Variants in SHB observed in about 807,000 individuals in gnomAD.
SHB encodes SH2 domain containing adaptor protein B, also known as SH2 domain-containing adapter protein B.
A neutral mutation model predicts 52.3 loss-of-function variants in SHB; 20 were observed. That is an observed-to-expected ratio of 0.38 (90% CI 0.27 to 0.56). The LOEUF is 0.56. Ranked by LOEUF, SHB falls within the 20% of genes least tolerant of loss-of-function variation. The pLI is 0.71. For missense variants in SHB, 825 were observed against 723.3 expected (o/e 1.14, Z -1.61); for synonymous variants, 397 against 316.5 (o/e 1.25, Z -2.70).
chr9:38,032,495 G>A (rs897707782), intron 1 of SHB, among the ~76,000 whole-genome samples: 3 of 152,198 alleles, frequency 2.0e-5, no homozygotes, highest in Admixed American at 6.5e-5. Context: ...GCTCAGTTGC[G>A]CCAACCGTGA....
chr9:37,954,937 G>C (rs1175630749), intron 4 of SHB, among the ~76,000 whole-genome samples: 1 of 152,074 alleles, frequency 6.6e-6, no homozygotes, highest in Admixed American at 6.6e-5. Flanking sequence ...GTGCTGGGGG[G>C]CAGCAAGAAC....
chr9:37,956,820 C>T (rs997267933), intron 3 of SHB, among the ~76,000 whole-genome samples: 3 of 152,222 alleles, frequency 2.0e-5, no homozygotes, highest in Non-Finnish European at 2.9e-5. Flanking sequence ...CTGTTTCCTT[C>T]TCTGAAAAAC....
At chr9:37,962,329 T>C (rs1406076058) in intron 3 of SHB, among the ~76,000 whole-genome samples, 1 of 152,162 alleles carries the variant, frequency 6.6e-6, no homozygotes, top group East Asian at 1.9e-4. Context: ...CAAGGCTAAA[T>C]TCCCGATACC....
intron 2 of SHB, among the ~76,000 whole-genome samples, chr9:37,983,390 T>C (rs1054193312): frequency 6.6e-6 from 1 of 152,160 alleles, no homozygotes; most frequent in African/African-American, 2.4e-5. Flanking sequence ...GAGATGATGC[T>C]GGAGGCAGAT....
chr9:38,053,858 G>C (rs1026390000), intron 1 of SHB, among the ~76,000 whole-genome samples: 3 of 152,156 alleles, frequency 2.0e-5, no homozygotes, highest in Non-Finnish European at 4.4e-5. Context: ...TTCAACAAAT[G>C]ATTTTATTTA....
At chr9:38,014,287 G>A (rs1285983213) in intron 2 of SHB, among the ~76,000 whole-genome samples, 2 of 152,154 alleles carry the variant, frequency 1.3e-5, no homozygotes, top group Admixed American at 1.3e-4. Flanking sequence ...CCTTTAAACC[G>A]GAGCCAACGC....
At chr9:37,969,465 C>T (rs79733468) in intron 3 of SHB, among the ~76,000 whole-genome samples, 2 of 152,192 alleles carry the variant, frequency 1.3e-5, no homozygotes, top group African/African-American at 4.8e-5. Flanking sequence ...CAGTACTTTC[C>T]TGATGTGATA....
chr9:37,950,533 A>G (rs759006349), intron 4 of SHB, among the ~76,000 whole-genome samples: 4 of 152,220 alleles, frequency 2.6e-5, no homozygotes, highest in African/African-American at 7.2e-5. Flanking sequence ...TCCTGTTTAC[A>G]TGATGGTCTC....
At chr9:37,948,564 A>T (rs891425200) in intron 5 of SHB, 71 bp downstream of exon 5, 9 of 1,581,618 alleles carry the variant, frequency 5.7e-6, no homozygotes, top group African/African-American at 1.3e-5. Flanking sequence ...TTTTTCTGCC[A>T]CAGACACGGT....
intron 1 of SHB, among the ~76,000 whole-genome samples, chr9:38,022,806 G>C (rs537922344): frequency 6.6e-6 from 1 of 152,334 alleles, no homozygotes; most frequent in African/African-American, 2.4e-5. Flanking sequence ...AAGCCATACA[G>C]ACACAAGCCA....
intron 2 of SHB, among the ~76,000 whole-genome samples, chr9:37,991,347 T>C (rs1261236837): frequency 6.6e-6 from 1 of 152,232 alleles, no homozygotes; most frequent in African/African-American, 2.4e-5. Context: ...TCAGGGACAC[T>C]GCGTCATGGA....
chr9:38,040,678 T>TG (rs561060642), intron 1 of SHB, among the ~76,000 whole-genome samples: 4 of 151,058 alleles, frequency 2.6e-5, no homozygotes, highest in Admixed American at 1.3e-4. Context: ...CACACTACGG[T>TG]GGGGGGGCTG....
chr9:37,952,570 TGAG>T (rs1212792703), intron 4 of SHB, among the ~76,000 whole-genome samples: 2 of 151,914 alleles, frequency 1.3e-5, no homozygotes, highest in African/African-American at 4.8e-5. Context: ...CAGGTTGGCG[TGAG>T]GAGGGGCCAG....
chr9:38,059,439 G>A (rs1413680546), intron 1 of SHB, among the ~76,000 whole-genome samples: 1 of 152,182 alleles, frequency 6.6e-6, no homozygotes, highest in African/African-American at 2.4e-5. Context: ...GCTCCCCTTG[G>A]AGAAACTGGA....
rs1832100780 is a variant in SHB at position 37,916,498 on chromosome 9, G to A, written c.*3323C>T. Among the ~76,000 whole-genome samples, 2 of 152,242 alleles carry A rather than the reference G, an allele frequency of 1.3e-5. No individual in the cohort carries two copies. ...AGGGGGCCGCTGGTTCTGGGAATGG[G>A]CAGAGGGAGCCTGCAGCTCCACCCT... is the stretch of plus-strand genomic sequence containing the variant. On this transcript the variant is annotated 3_prime_UTR_variant, in exon 6 of 6. Coordinates refer to ENST00000377707, the MANE Select transcript of SHB (RefSeq NM_003028.3).
rs1181057527 is a variant in SHB at position 37,917,615 on chromosome 9, G to C, written c.*2206C>G. Among the ~76,000 whole-genome samples the C allele has an allele frequency of 1.3e-5, 2 of 152,108 alleles. No individual in the cohort carries two copies. The highest frequency in any genetic ancestry group is 3.9e-4 in the East Asian group (2 of 5,186). On this transcript the variant is annotated 3_prime_UTR_variant, in exon 6 of 6. Transcript: ENST00000377707. The stretch of plus-strand genomic sequence containing the variant: ...TGGGCCTCCTCTGAGAATAAGCCTT[G>C]GGGTCCAGGCTCCTCTGTTTGGCCA...
intron 1 of SHB, among the ~76,000 whole-genome samples, chr9:38,054,225 G>A (rs1223302305): frequency 1.3e-5 from 2 of 152,250 alleles, no homozygotes; most frequent in African/African-American, 4.8e-5. Context: ...TGGAGCAACA[G>A]CCCTGGGCTC....
chr9:37,942,370 G>T (rs1832444588), intron 5 of SHB, among the ~76,000 whole-genome samples: 1 of 152,216 alleles, frequency 6.6e-6, no homozygotes, highest in Admixed American at 6.5e-5. Context: ...AGAGGAAAGT[G>T]GTCTAGTCAT....
chr9:38,053,164 C>T (rs1821773049), intron 1 of SHB, among the ~76,000 whole-genome samples: 1 of 152,190 alleles, frequency 6.6e-6, no homozygotes, highest in South Asian at 2.1e-4. Context: ...CCAGCTCCAG[C>T]TCTACCCACT....
Sources: allele counts gnomAD v4.1 joint callset (sites outside exome capture counted in the v4.1 genomes callset), GRCh38; gene constraint gnomAD v4.1.1; transcripts MANE v1.5; gene names NCBI Gene and HGNC (gene_info 2026-07-23, HGNC 2026-07-21).